The following MON2 variants were observed in gnomAD, a reference collection of about 807,000 sequenced individuals.
The protein encoded by MON2 is MON2 regulator of endosome-to-Golgi trafficking.
In MON2, 84 loss-of-function variants were observed where a neutral mutation model predicts 208.6. The ratio of observed to expected loss-of-function variants is 0.40; its 90% CI spans 0.34 to 0.48. The LOEUF is 0.48. Among genes scored for constraint, MON2 ranks in the 20% least tolerant of loss-of-function variants. The pLI is 0.59. For synonymous variants in MON2, 660 were observed against 694.0 expected, an observed-to-expected ratio of 0.95 and a Z score of 0.77; for missense variants, 1,611 against 2,015.4, an observed-to-expected ratio of 0.80 and a Z score of 3.84.
chr12:62,500,745 A>G (rs1174178050), intron 5 of MON2, 38 bp from the exon 6 acceptor site: 2 of 936,220 alleles, frequency 2.1e-6, no homozygotes, highest in African/African-American at 1.7e-5. Context: ...ATTAAAGGCT[A>G]TTATGAACTC....
intron 15 of MON2, among the ~76,000 whole-genome samples, 162 bp from the exon 16 acceptor site, chr12:62,537,440 T>C (rs2073028863): frequency 6.6e-6 from 1 of 152,248 alleles, no homozygotes; most frequent in African/African-American, 2.4e-5. Flanking sequence ...AATATGATAA[T>C]ACAACTTTTA....
chr12:62,565,476 G>T lies in MON2; in HGVS notation c.4176+96G>T, dbSNP rs190489799. ...ATGGACTTTGATTATCTCGGAAAAG[G>T]ATACTTTTCACTCACAAATATATTT... On this transcript the variant is annotated intron_variant, in intron 27 of 34. Transcript: ENST00000393630. The T allele has an allele frequency of 4.6e-3, 5,050 of 1,087,484 alleles. 9 individuals carry two copies. The highest frequency in any genetic ancestry group is 0.014 in the Middle Eastern group (47 of 3,444). The allele number at this position is 1,087,484 out of a possible 1,614,324, so 67.4% of individuals were successfully genotyped here. A position where few individuals can be genotyped will look rare whatever the true frequency, so the allele number is the denominator to read the frequency against.
At chr12:62,524,954 C>T in intron 9 of MON2, 130 bp from the exon 10 acceptor site, 1 of 847,654 alleles carries the variant, frequency 1.2e-6, no homozygotes, top group East Asian at 2.7e-5. Context: ...GGTAAAATTA[C>T]TGAGTTGTAA....
intron 1 of MON2, among the ~76,000 whole-genome samples, chr12:62,478,204 A>ATATATATAATAAATATAT (rs2069200462): frequency 2.6e-5 from 4 of 152,018 alleles, no homozygotes; most frequent in African/African-American, 9.7e-5. Flanking sequence ...TTCCCTTGGG[A>ATATATATAATAAATATAT]ACATTTATTA....
intron 23 of MON2, among the ~76,000 whole-genome samples, chr12:62,551,788 T>C (rs1408929698): frequency 2.6e-5 from 4 of 152,248 alleles, no homozygotes; most frequent in South Asian, 4.1e-4. Context: ...TTTCAACATA[T>C]ATTTTAAGGC....
intron 22 of MON2, among the ~76,000 whole-genome samples, chr12:62,548,268 G>T (rs2073582577): frequency 6.6e-6 from 1 of 152,150 alleles, no homozygotes; most frequent in Admixed American, 6.5e-5. Flanking sequence ...ATTGACTGTA[G>T]CGAGGCATAG....
rs1252819776 is a variant in MON2 at position 62,594,259 on chromosome 12, GATATT to G, written c.*1514_*1518del. 1 of 152,024 alleles carries G rather than the reference GATATT, an allele frequency of 6.6e-6. No homozygotes were observed. The highest frequency in any genetic ancestry group is 1.5e-5 in the Non-Finnish European group (1 of 67,958). The allele number at this position is 152,024 out of a possible 1,614,324, so 9.4% of individuals were successfully genotyped here. A position where few individuals can be genotyped will look rare whatever the true frequency, so the allele number is the denominator to read the frequency against. ...CAGAATAATCATAAAACTGCAAAAA[GATATT>G]ATAATTGAGTCATGATTGAGATACA... On this transcript the variant is annotated 3_prime_UTR_variant, in exon 35 of 35. Coordinates refer to ENST00000393630, the MANE Select transcript of MON2 (RefSeq NM_015026.3).
intron 31 of MON2, among the ~76,000 whole-genome samples, chr12:62,578,812 C>A (rs1370695874): frequency 6.6e-6 from 1 of 152,148 alleles, no homozygotes; most frequent in Non-Finnish European, 1.5e-5. Flanking sequence ...TATTTGAGAG[C>A]TTACTCTGCA....
chr12:62,534,549 A>ATATATATATATTT (rs2072860630), intron 12 of MON2, among the ~76,000 whole-genome samples: 10 of 76,102 alleles, frequency 1.3e-4, no homozygotes, highest in East Asian at 5.7e-4. Context: ...AAAAATATAT[A>ATATATATATATTT]TATATATATA....
chr12:62,514,223 A>G (rs1240482655), intron 8 of MON2, among the ~76,000 whole-genome samples: 1 of 151,970 alleles, frequency 6.6e-6, no homozygotes, highest in Non-Finnish European at 1.5e-5. Flanking sequence ...ACTTTCCCAC[A>G]TTTTCGTGTC....
At chr12:62,505,044 G>A (rs2071031208) in intron 7 of MON2, among the ~76,000 whole-genome samples, 1 of 152,166 alleles carries the variant, frequency 6.6e-6, no homozygotes, top group Admixed American at 6.5e-5. Flanking sequence ...GAGAAAGGAT[G>A]TCTTCTTTTC....
At chr12:62,590,555 A>T (rs978977098) in intron 34 of MON2, among the ~76,000 whole-genome samples, 3 of 152,234 alleles carry the variant, frequency 2.0e-5, no homozygotes, top group Non-Finnish European at 4.4e-5. Context: ...TTACTTTACC[A>T]CAGACAACCA....
chr12:62,491,721 A>T lies in MON2; in HGVS notation c.176-2194A>T, dbSNP rs373265307. On this transcript the variant is annotated intron_variant, in intron 2 of 34. Transcript: ENST00000393630. Reference sequence around the variant, plus strand: ...AGTAGGGCTGCATCAGGCCCTGTAAACTCTCTAAGATTATTGAGATGCTAA... The same window carrying T: ...AGTAGGGCTGCATCAGGCCCTGTAATCTCTCTAAGATTATTGAGATGCTAA... Among the ~76,000 whole-genome samples, 4 of 152,150 alleles carry T rather than the reference A, an allele frequency of 2.6e-5. No homozygotes were observed. In the East Asian group the frequency reaches 7.7e-4, roughly 29 times the overall value.
At chr12:62,550,224 A>G (rs912635647) in intron 23 of MON2, among the ~76,000 whole-genome samples, 1 of 152,184 alleles carries the variant, frequency 6.6e-6, no homozygotes, top group African/African-American at 2.4e-5. Flanking sequence ...CCTACATGAC[A>G]TCTTCAAGTA....
chr12:62,486,365 G>A (rs1366659449), intron 2 of MON2, among the ~76,000 whole-genome samples: 2 of 151,600 alleles, frequency 1.3e-5, no homozygotes, highest in East Asian at 1.9e-4. Flanking sequence ...TGACTTAGTC[G>A]GTATGATTTA....
intron 12 of MON2, among the ~76,000 whole-genome samples, chr12:62,534,518 C>CAAA (rs869145698): frequency 1.3e-4 from 9 of 67,446 alleles, no homozygotes; most frequent in South Asian, 5.6e-4. Flanking sequence ...GACTCCATCG[C>CAAA]AAAAAAAAAA....
Position 62,546,897 on chromosome 12 carries a change from A to C in MON2, c.2578A>C (p.Arg860=), listed in dbSNP as rs762825769. 2 of 1,592,464 alleles carry C rather than the reference A, an allele frequency of 1.3e-6. No individual in the cohort carries two copies. Among genetic ancestry groups the C allele is most frequent in the Non-Finnish European group, 1.7e-6 (2 of 1,168,730 alleles). The part of the protein sequence containing the change: ...NHDPPLSQNQ[R]LQLLLLNPLK... ...AATTAGTTTCTTGCCCCCTTTTCAG[A>C]GGCTGCAGTTGCTTTTATTGAACCC... The change falls in exon 22 of 35, where the codon AGG becomes CGG. Residue 860 remains arginine (R), a splice_region_variant and synonymous_variant. Transcript: ENST00000393630.
chr12:62,543,225 A>G (rs1334425829), intron 20 of MON2, 27 bp downstream of exon 20: 2 of 1,240,720 alleles, frequency 1.6e-6, no homozygotes, highest in South Asian at 3.2e-5. Context: ...AAATATATTT[A>G]ATTTTTTAAT....
intron 30 of MON2, among the ~76,000 whole-genome samples, chr12:62,573,346 A>G (rs539454488): frequency 6.0e-5 from 9 of 151,076 alleles, no homozygotes; most frequent in South Asian, 2.1e-4. Context: ...CTAATTGTCT[A>G]TATATGCTTA....
Sources: gnomAD v4.1 joint callset for allele counts (sites outside exome capture counted in the v4.1 genomes callset) on GRCh38, gnomAD v4.1.1 for gene constraint, MANE v1.5 for transcripts, NCBI Gene and HGNC (gene_info 2026-07-23, HGNC 2026-07-21) for gene names.